Variants in HTR4 observed in about 807,000 individuals in gnomAD.
HTR4 encodes the protein 5-hydroxytryptamine receptor 4, also known as 5-hydroxytryptamine (serotonin) receptor 4, G protein-coupled.
In HTR4, 16 loss-of-function variants were observed where a neutral mutation model predicts 36.8. The observed-to-expected ratio is 0.43, with a 90% CI of 0.29 to 0.66. The LOEUF (loss-of-function observed/expected upper bound fraction) is 0.66, where lower values mean the gene tolerates loss of function less well. Ranked by LOEUF, HTR4 falls within the 30% of genes least tolerant of loss-of-function variation. The pLI, the probability that HTR4 is intolerant of heterozygous loss-of-function variation, is 0.13. For synonymous variants in HTR4, 189 were observed against 185.1 expected, an observed-to-expected ratio of 1.02 and a Z score of -0.17; for missense variants, 438 against 490.9, an observed-to-expected ratio of 0.89 and a Z score of 1.02.
intron 5 of HTR4, among the ~76,000 whole-genome samples, chr5:148,516,305 C>T (rs1359973530): frequency 2.7e-5 from 4 of 146,942 alleles, no homozygotes; most frequent in East Asian, 2.0e-4. Flanking sequence ...CCATTCAATT[C>T]CCCCCTCTTT....
Position 148,569,024 on chromosome 5 carries a change from T to G in HTR4, c.27-18762A>C, listed in dbSNP as rs141330725. Among the ~76,000 whole-genome samples the G allele has an allele frequency of 1.9e-3, 292 of 151,312 alleles. 6 individuals carry two copies. In the East Asian group the frequency reaches 0.032, roughly 16 times the overall value. On this transcript the variant is annotated intron_variant, in intron 2 of 6. Transcript: ENST00000377888. ...ACATATAATAAAAAGTATACAGCCA[T>G]GCATAAACAATGAAACCAGGGAAGT...
intron 2 of HTR4, among the ~76,000 whole-genome samples, chr5:148,596,763 A>AT (rs1473772575): frequency 6.6e-6 from 1 of 151,942 alleles, no homozygotes; most frequent in Non-Finnish European, 1.5e-5. Flanking sequence ...ACAAACTCTG[A>AT]TTTTTCCTGC....
chr5:148,648,775 T>G (rs563269203), intron 1 of HTR4, among the ~76,000 whole-genome samples: 31 of 152,276 alleles, frequency 2.0e-4, no homozygotes, highest in Admixed American at 1.6e-3. Context: ...CCAATCAGAT[T>G]CTCTTTCTTG....
chr5:148,522,051 C>T (rs552421269), intron 5 of HTR4, among the ~76,000 whole-genome samples: 26 of 152,184 alleles, frequency 1.7e-4, no homozygotes, highest in African/African-American at 6.3e-4. Context: ...ATACTTTTCT[C>T]GTGGTAGTGA....
chr5:148,590,525 G>T (rs965833505), intron 2 of HTR4, among the ~76,000 whole-genome samples: 3 of 151,490 alleles, frequency 2.0e-5, no homozygotes, highest in Non-Finnish European at 4.4e-5. Flanking sequence ...CAGAACAGCA[G>T]AGCAAATACT....
At position 148,509,974 on chromosome 5, in the gene HTR4, G is replaced by A. The variant is rs199662022; in HGVS notation, c.558C>T (p.Phe186=). 6.8e-6 allele frequency: 11 copies of A among 1,613,724 alleles called. No individual in the cohort carries two copies. Among genetic ancestry groups the A allele is most frequent in the South Asian group, 3.3e-5 (3 of 91,056 alleles). The change falls in exon 6 of 7, where the codon TTC becomes TTT. Residue 186 remains phenylalanine (F), a synonymous_variant. Coordinates refer to ENST00000377888, the MANE Select transcript of HTR4 (RefSeq NM_000870.7). ...TGATGGCGTAGGGCTTGTTGACCAT[G>A]AAGACACAGTACGTAGAGTTAGAGT... ...NQNSNSTYCV[F]MVNKPYAITC...
chr5:148,493,679 GA>G (rs957028238), intron 6 of HTR4, among the ~76,000 whole-genome samples: 19 of 150,132 alleles, frequency 1.3e-4, no homozygotes, highest in African/African-American at 2.7e-4. Context: ...GGGAGTGAAT[GA>G]AAAAAAAAGA....
intron 1 of HTR4, among the ~76,000 whole-genome samples, chr5:148,650,445 A>G (rs1442669979): frequency 3.3e-5 from 5 of 152,322 alleles, no homozygotes; most frequent in African/African-American, 4.8e-5. Context: ...TTTGGTAGCC[A>G]TTTACATTGT....
At chr5:148,616,770 T>G (rs2127289075) in intron 2 of HTR4, among the ~76,000 whole-genome samples, 1 of 152,304 alleles carries the variant, frequency 6.6e-6, no homozygotes, top group South Asian at 2.1e-4. Flanking sequence ...CAGACAGATT[T>G]TTTTCTTCTA....
chr5:148,477,073 T>C (rs1276513388), downstream of HTR4, among the ~76,000 whole-genome samples: 3 of 152,170 alleles, frequency 2.0e-5, no homozygotes. Context: ...CCTTGAGGGA[T>C]TTTGATTGGG....
rs1232588407 is a variant in HTR4 at position 148,483,094 on chromosome 5, G to A, written c.*109C>T. 2 of 1,533,888 alleles carry A rather than the reference G, an allele frequency of 1.3e-6. No homozygotes were observed. The highest frequency in any genetic ancestry group is 1.2e-5 in the South Asian group (1 of 82,092). ...CACCGGGTTCCTGCACTGGCGGACG[G>A]AAAGCCTCAGGTGAAGAGAATACCG... On this transcript the variant is annotated 3_prime_UTR_variant, in exon 7 of 7. Transcript: ENST00000377888.
intron 6 of HTR4, chr5:148,484,249 A>G (rs1296060923): frequency 1.9e-6 from 3 of 1,611,150 alleles, no homozygotes; most frequent in Admixed American, 1.7e-5. Context: ...AAAACAGAGA[A>G]TCATAGTTAC....
At chr5:148,561,642 A>G (rs890538788) in intron 2 of HTR4, among the ~76,000 whole-genome samples, 4 of 150,758 alleles carry the variant, frequency 2.7e-5, no homozygotes, top group Non-Finnish European at 4.4e-5. Context: ...TTTTTTTTAC[A>G]CACACTTGTT....
intron 5 of HTR4, chr5:148,465,719 G>A: frequency 8.2e-7 from 1 of 1,221,850 alleles, no homozygotes; most frequent in Non-Finnish European, 1.1e-6. Context: ...CTGCAGTTCT[G>A]TGCCAACAAT....
At chr5:148,535,550 T>C (rs941407780) in intron 4 of HTR4, among the ~76,000 whole-genome samples, 1 of 152,194 alleles carries the variant, frequency 6.6e-6, no homozygotes, top group East Asian at 1.9e-4. Flanking sequence ...ATAATGGATC[T>C]GACAGAGCTG....
intron 2 of HTR4, among the ~76,000 whole-genome samples, chr5:148,632,204 T>C (rs1005327292): frequency 6.6e-6 from 1 of 152,252 alleles, no homozygotes; most frequent in East Asian, 1.9e-4. Context: ...TAGTAAAGGC[T>C]TGTTAGAGCC....
intron 2 of HTR4, among the ~76,000 whole-genome samples, chr5:148,616,648 G>C (rs1752702586): frequency 6.6e-6 from 1 of 152,106 alleles, no homozygotes; most frequent in Non-Finnish European, 1.5e-5. Flanking sequence ...ATAGACACAT[G>C]AATGAACATT....
At chr5:148,606,821 T>G (rs1752184594) in intron 2 of HTR4, among the ~76,000 whole-genome samples, 1 of 152,214 alleles carries the variant, frequency 6.6e-6, no homozygotes. Flanking sequence ...GATTTGTCAC[T>G]TCTATGAATT....
chr5:148,572,301 C>T (rs1760708812), intron 2 of HTR4, among the ~76,000 whole-genome samples: 3 of 152,022 alleles, frequency 2.0e-5, no homozygotes, highest in Non-Finnish European at 2.9e-5. Flanking sequence ...TCACAACAGC[C>T]TATGGTTATA....
Sources: allele counts gnomAD v4.1 joint callset (sites outside exome capture counted in the v4.1 genomes callset), GRCh38; gene constraint gnomAD v4.1.1; transcripts MANE v1.5; gene names NCBI Gene and HGNC (gene_info 2026-07-23, HGNC 2026-07-21).